Variants in BAALC observed in about 807,000 individuals in gnomAD.
BAALC encodes BAALC binder of MAP3K1 and KLF4, also known as brain and acute leukemia cytoplasmic protein.
A neutral mutation model predicts 15.5 loss-of-function variants in BAALC; 9 were observed. The observed-to-expected ratio is 0.58, with a 90% CI of 0.35 to 1.02. The LOEUF is 1.02. Ranked by LOEUF, BAALC falls within the 50% of genes least tolerant of loss-of-function variation. The pLI is 0.02. For missense variants in BAALC, 201 were observed against 192.4 expected, an observed-to-expected ratio of 1.04 and a Z score of -0.27; for synonymous variants, 80 against 74.6, an observed-to-expected ratio of 1.07 and a Z score of -0.37.
At chr8:103,192,789 T>C (rs1031767519) in intron 1 of BAALC, among the ~76,000 whole-genome samples, 1 of 152,164 alleles carries the variant, frequency 6.6e-6, no homozygotes, top group South Asian at 2.1e-4. Flanking sequence ...GCCATTGCCA[T>C]GGGACAGCAT....
At chr8:103,192,253 T>C (rs1811987496) in intron 1 of BAALC, among the ~76,000 whole-genome samples, 1 of 152,160 alleles carries the variant, frequency 6.6e-6, no homozygotes, top group African/African-American at 2.4e-5. Flanking sequence ...GGTTTCATCA[T>C]ATTGGTCAAG....
At chr8:103,181,751 A>G (rs1253746555) in intron 1 of BAALC, among the ~76,000 whole-genome samples, 1 of 152,144 alleles carries the variant, frequency 6.6e-6, no homozygotes, top group East Asian at 1.9e-4. Flanking sequence ...TGATATTAAA[A>G]CTAATATTTA....
intron 1 of BAALC, among the ~76,000 whole-genome samples, chr8:103,206,823 G>A (rs1033064865): frequency 1.3e-5 from 2 of 152,172 alleles, no homozygotes; most frequent in African/African-American, 4.8e-5. Flanking sequence ...GAGCAAAGAT[G>A]TGGTTTCAGG....
intron 2 of BAALC, chr8:103,213,707 G>C (rs1223090245): frequency 6.6e-6 from 1 of 152,504 alleles, no homozygotes; most frequent in Non-Finnish European, 1.5e-5. Flanking sequence ...GCTCTTAGTA[G>C]GCAGGGCTCA....
chr8:103,144,798 T>A (rs1810846599), intron 1 of BAALC, among the ~76,000 whole-genome samples: 1 of 152,220 alleles, frequency 6.6e-6, no homozygotes, highest in Non-Finnish European at 1.5e-5. Context: ...TTTACCTAAA[T>A]AAACTGAAAG....
chr8:103,171,385 A>AGAGAAAGGAAGGAAAG (rs1811487372), intron 1 of BAALC, among the ~76,000 whole-genome samples: 1 of 137,790 alleles, frequency 7.3e-6, no homozygotes, highest in African/African-American at 2.7e-5. Context: ...GAAAGGCAAG[A>AGAGAAAGGAAGGAAAG]GAGGAAGGAA....
At chr8:103,144,362 G>A (rs2129850309) in intron 1 of BAALC, among the ~76,000 whole-genome samples, 1 of 152,296 alleles carries the variant, frequency 6.6e-6, no homozygotes, top group Admixed American at 6.5e-5. Flanking sequence ...CTGTTACGTA[G>A]GCTAGAATTT....
intron 1 of BAALC, among the ~76,000 whole-genome samples, chr8:103,177,367 T>C (rs1182001284): frequency 6.6e-6 from 1 of 152,144 alleles, no homozygotes; most frequent in African/African-American, 2.4e-5. Context: ...GTATTTTTTG[T>C]AGAGACGGGG....
At chr8:103,204,838 A>G (rs1278776836) in intron 1 of BAALC, among the ~76,000 whole-genome samples, 3 of 152,240 alleles carry the variant, frequency 2.0e-5, no homozygotes, top group Non-Finnish European at 4.4e-5. Flanking sequence ...ATCAGATTGA[A>G]GAAATGACAC....
At position 103,161,676 on chromosome 8, in the gene BAALC, G is replaced by T. The variant is rs763768833; in HGVS notation, c.160+20619G>T. ...GCTGGGCCAAATGCTGAATGCAAATGTAATTTTGCTAGATATTGCCAAATT... is the reference window on the plus strand; with the variant it reads ...GCTGGGCCAAATGCTGAATGCAAATTTAATTTTGCTAGATATTGCCAAATT... On this transcript the variant is annotated intron_variant, in intron 1 of 2. Transcript: ENST00000309982. Among the ~76,000 whole-genome samples, 130 of 152,186 alleles carry T rather than the reference G, an allele frequency of 8.5e-4. 1 individual carries two copies. The highest frequency in any genetic ancestry group is 1.3e-3 in the Non-Finnish European group (89 of 68,022).
chr8:103,150,514 G>T (rs1049236103), intron 1 of BAALC, among the ~76,000 whole-genome samples: 1 of 152,118 alleles, frequency 6.6e-6, no homozygotes, highest in African/African-American at 2.4e-5. Context: ...TGTCAGATGG[G>T]ATAGGTACCT....
intron 2 of BAALC, among the ~76,000 whole-genome samples, chr8:103,213,821 T>A (rs1241793204): frequency 2.6e-5 from 4 of 152,150 alleles, no homozygotes; most frequent in African/African-American, 7.2e-5. Context: ...CTAGGCTCCA[T>A]ACCCATTTTC....
At chr8:103,204,786 C>T (rs1812292621) in intron 1 of BAALC, among the ~76,000 whole-genome samples, 1 of 152,190 alleles carries the variant, frequency 6.6e-6, no homozygotes, top group African/African-American at 2.4e-5. Flanking sequence ...CAAAAGGTCA[C>T]ATATTATAGT....
At chr8:103,211,051 A>G (rs1239083244) in intron 1 of BAALC, among the ~76,000 whole-genome samples, 3 of 151,948 alleles carry the variant, frequency 2.0e-5, no homozygotes, top group Admixed American at 1.3e-4. Flanking sequence ...GCTGTTCTTG[A>G]TATCACTGAT....
intron 1 of BAALC, among the ~76,000 whole-genome samples, chr8:103,208,877 C>T (rs571233025): frequency 2.6e-5 from 4 of 152,218 alleles, no homozygotes; most frequent in African/African-American, 9.6e-5. Context: ...TGTTTCATGT[C>T]CTTCAACCCC....
At chr8:103,196,388 C>A (rs1812098643) in intron 1 of BAALC, among the ~76,000 whole-genome samples, 1 of 152,138 alleles carries the variant, frequency 6.6e-6, no homozygotes, top group Non-Finnish European at 1.5e-5. Context: ...TCAAGTGATC[C>A]TCCCACCTCA....
chr8:103,213,875 G>A (rs1368960125), intron 2 of BAALC, among the ~76,000 whole-genome samples: 3 of 152,032 alleles, frequency 2.0e-5, no homozygotes, highest in South Asian at 2.1e-4. Flanking sequence ...GGTTCATTCT[G>A]TCTGTGCACA....
At chr8:103,145,180 T>C (rs111778740) in intron 1 of BAALC, among the ~76,000 whole-genome samples, 1,653 of 152,362 alleles carry the variant, frequency 0.011, 28 homozygotes, top group African/African-American at 0.038. Context: ...GTCTTCTGCA[T>C]CATCTCTAAG....
chr8:103,194,789 G>A (rs1164756286), intron 1 of BAALC, among the ~76,000 whole-genome samples: 1 of 152,098 alleles, frequency 6.6e-6, no homozygotes, highest in Non-Finnish European at 1.5e-5. Flanking sequence ...AAGAGACAAA[G>A]GGCAAAAAGG....
Sources: allele counts gnomAD v4.1 joint callset (sites outside exome capture counted in the v4.1 genomes callset), GRCh38; gene constraint gnomAD v4.1.1; transcripts MANE v1.5; gene names NCBI Gene and HGNC (gene_info 2026-07-23, HGNC 2026-07-21).